Variants in PDE4D observed in about 807,000 individuals in gnomAD.
PDE4D encodes phosphodiesterase 4D.
Under a neutral mutation model 87.4 loss-of-function variants are expected in PDE4D, and 24 were observed. The observed-to-expected ratio is 0.27, with a 90% CI of 0.20 to 0.39. The LOEUF (loss-of-function observed/expected upper bound fraction) is 0.39. Among genes scored for constraint, PDE4D ranks in the 10% least tolerant of loss-of-function variants. The pLI, the probability that PDE4D is intolerant of heterozygous loss-of-function variation, is 1.00. For missense variants in PDE4D, 714 were observed against 1,041.0 expected, an observed-to-expected ratio of 0.69 and a Z score of 4.32; for synonymous variants, 384 against 383.2, an observed-to-expected ratio of 1.00 and a Z score of -0.02.
chr5:59,372,501 A>G (rs780702447), intron 1 of PDE4D, among the ~76,000 whole-genome samples: 2 of 152,234 alleles, frequency 1.3e-5, no homozygotes, highest in Non-Finnish European at 2.9e-5. Flanking sequence ...TCTAAATTCA[A>G]TATTTTCACT....
chr5:59,700,982 C>T (rs1468013664), intron 1 of PDE4D, among the ~76,000 whole-genome samples: 1 of 152,160 alleles, frequency 6.6e-6, no homozygotes, highest in African/African-American at 2.4e-5. Flanking sequence ...CACATAATTG[C>T]TTGGAATGCT....
intron 1 of PDE4D, among the ~76,000 whole-genome samples, chr5:59,252,652 G>T (rs1358926601): frequency 6.6e-6 from 1 of 151,978 alleles, no homozygotes; most frequent in Non-Finnish European, 1.5e-5. Context: ...CTCTCGAGTA[G>T]GTGGGACTAC....
intron 1 of PDE4D, among the ~76,000 whole-genome samples, chr5:59,295,120 G>A (rs992458634): frequency 6.6e-6 from 1 of 152,132 alleles, no homozygotes; most frequent in African/African-American, 2.4e-5. Context: ...TGGCACAAAA[G>A]CTTGACAAAG....
intron 1 of PDE4D, among the ~76,000 whole-genome samples, chr5:60,477,064 C>T (rs147608311): frequency 1.1e-4 from 17 of 152,216 alleles, no homozygotes; most frequent in Non-Finnish European, 1.9e-4. Context: ...CTTTAAAATA[C>T]GTCCAGTTTG....
chr5:59,788,982 A>G (rs1765481526), intron 1 of PDE4D, among the ~76,000 whole-genome samples: 1 of 152,198 alleles, frequency 6.6e-6, no homozygotes, highest in African/African-American at 2.4e-5. Flanking sequence ...GTAATCATAG[A>G]CCTCTTTAAC....
intron 1 of PDE4D, among the ~76,000 whole-genome samples, chr5:59,563,224 C>T (rs1370668589): frequency 6.6e-6 from 1 of 152,182 alleles, no homozygotes; most frequent in Non-Finnish European, 1.5e-5. Context: ...AGAAGGTTAC[C>T]ACACAAAGTG....
chr5:60,286,069 C>G (rs1469703565), intron 1 of PDE4D, among the ~76,000 whole-genome samples: 1 of 152,242 alleles, frequency 6.6e-6, no homozygotes, highest in South Asian at 2.1e-4. Flanking sequence ...GCAAACAGGA[C>G]GCCCGTTTAA....
intron 1 of PDE4D, among the ~76,000 whole-genome samples, chr5:59,745,329 G>A (rs143793700): frequency 5.5e-4 from 84 of 152,244 alleles, no homozygotes; most frequent in Admixed American, 5.9e-4. Context: ...GCCTTCAATT[G>A]ACTGTGTATT....
chr5:59,837,729 T>C (rs978020744), intron 1 of PDE4D, among the ~76,000 whole-genome samples: 2 of 152,026 alleles, frequency 1.3e-5, no homozygotes, highest in African/African-American at 4.8e-5. Flanking sequence ...AAAAATACTG[T>C]TTTTGTGCCC....
chr5:59,728,949 G>C (rs1180121696), intron 1 of PDE4D, among the ~76,000 whole-genome samples: 1 of 151,770 alleles, frequency 6.6e-6, no homozygotes, highest in Non-Finnish European at 1.5e-5. Flanking sequence ...TAATATTATG[G>C]CTCCCAGATG....
At chr5:59,699,013 T>C (rs1426030193) in intron 1 of PDE4D, among the ~76,000 whole-genome samples, 1 of 152,184 alleles carries the variant, frequency 6.6e-6, no homozygotes, top group African/African-American at 2.4e-5. Flanking sequence ...TACCTCTTCA[T>C]TACATTTTCC....
intron 1 of PDE4D, among the ~76,000 whole-genome samples, chr5:59,574,005 A>AAAAAAAT (rs1266408182): frequency 1.3e-4 from 15 of 119,684 alleles, no homozygotes; most frequent in African/African-American, 4.6e-4. Context: ...CTCAAAAAAA[A>AAAAAAAT]ATATATATAT....
chr5:59,657,854 TA>T (rs1439076543), intron 1 of PDE4D, among the ~76,000 whole-genome samples: 4 of 152,196 alleles, frequency 2.6e-5, no homozygotes, highest in African/African-American at 9.6e-5. Flanking sequence ...ATCACACTTT[TA>T]TTGTACAAAC....
At chr5:59,466,856 G>A (rs567562020) in intron 1 of PDE4D, among the ~76,000 whole-genome samples, 11 of 152,254 alleles carry the variant, frequency 7.2e-5, no homozygotes, top group South Asian at 4.2e-4. Flanking sequence ...GGGCTGTTAC[G>A]GGGTGAATCC....
At chr5:60,064,577 A>C (rs1771843612) in intron 2 of PDE4D, among the ~76,000 whole-genome samples, 1 of 152,144 alleles carries the variant, frequency 6.6e-6, no homozygotes, top group Non-Finnish European at 1.5e-5. Flanking sequence ...TTCTGATTAA[A>C]AACTTCAAGC....
chr5:60,167,640 T>C (rs529843671), intron 2 of PDE4D, among the ~76,000 whole-genome samples: 1 of 152,332 alleles, frequency 6.6e-6, no homozygotes, highest in East Asian at 1.9e-4. Context: ...ATTTTAGCTC[T>C]AGGATTTCTG....
intron 1 of PDE4D, among the ~76,000 whole-genome samples, chr5:59,423,815 C>CA (rs1554168830): frequency 4.9e-5 from 7 of 142,438 alleles, no homozygotes; most frequent in Admixed American, 4.9e-4. Flanking sequence ...GGAATGTAAC[C>CA]TTTTTTTTTT....
At chr5:60,125,009 C>A (rs1003511942) in intron 2 of PDE4D, among the ~76,000 whole-genome samples, 2 of 152,190 alleles carry the variant, frequency 1.3e-5, no homozygotes, top group Non-Finnish European at 2.9e-5. Context: ...GCTGCTCCTT[C>A]TCAAAAGCTC....
At chr5:59,033,763 TAGAC>T (rs1256069809) in intron 6 of PDE4D, among the ~76,000 whole-genome samples, 1 of 152,178 alleles carries the variant, frequency 6.6e-6, no homozygotes, top group Non-Finnish European at 1.5e-5. Flanking sequence ...TTCGAAAACG[TAGAC>T]AGTTCATAAT....
Sources: allele counts gnomAD v4.1 joint callset (sites outside exome capture counted in the v4.1 genomes callset), GRCh38; gene constraint gnomAD v4.1.1; transcripts MANE v1.5; gene names NCBI Gene and HGNC (gene_info 2026-07-23, HGNC 2026-07-21).